The following MDN1 variants were observed in gnomAD, a reference collection of about 807,000 sequenced individuals.
MDN1 encodes midasin AAA ATPase 1, also known as midasin.
Under a neutral mutation model 669.2 loss-of-function variants are expected in MDN1, and 266 were observed. That is an observed-to-expected ratio of 0.40 (90% CI 0.36 to 0.44). The LOEUF is 0.44. Ranked by LOEUF, MDN1 falls within the 20% of genes least tolerant of loss-of-function variation. The pLI is 1.00. For synonymous variants in MDN1, 2,385 were observed against 2,457.1 expected, an observed-to-expected ratio of 0.97 and a Z score of 0.87; for missense variants, 5,940 against 6,754.0, an observed-to-expected ratio of 0.88 and a Z score of 4.22.
At chr6:89,797,044 G>A (rs1819645040) in intron 2 of MDN1, among the ~76,000 whole-genome samples, 1 of 150,742 alleles carries the variant, frequency 6.6e-6, no homozygotes, top group Non-Finnish European at 1.5e-5. Flanking sequence ...CTCCAGCATG[G>A]GCAACAAGAG....
At chr6:89,691,513 A>T (rs1812378905) in intron 63 of MDN1, among the ~76,000 whole-genome samples, 1 of 152,054 alleles carries the variant, frequency 6.6e-6, no homozygotes, top group South Asian at 2.1e-4. Context: ...CTGTGAGACT[A>T]TTTACTGTGG....
At chr6:89,816,192 G>A (rs1768815016) in intron 1 of MDN1, among the ~76,000 whole-genome samples, 2 of 152,148 alleles carry the variant, frequency 1.3e-5, no homozygotes, top group South Asian at 2.1e-4. Flanking sequence ...CTGAGGTCAG[G>A]AGTTCGAGAC....
chr6:89,658,184 C>A (rs775998342), intron 90 of MDN1, 25 bp downstream of exon 90: 1 of 1,612,818 alleles, frequency 6.2e-7, no homozygotes. Context: ...AGGCAGCTGG[C>A]GGCTGCAGTG....
chr6:89,815,138 G>C, intron 1 of MDN1: 1 of 388,742 alleles, frequency 2.6e-6, no homozygotes, highest in South Asian at 2.1e-5. Flanking sequence ...CTCAGCTACA[G>C]ACCCCTGTGC....
rs1808262699 is a variant in MDN1, at chr6:89,642,982, GACATACTGCCT to G, written c.*1012_*1022del. On this transcript the variant is annotated 3_prime_UTR_variant, in exon 102 of 102. Coordinates refer to ENST00000369393, the MANE Select transcript of MDN1 (RefSeq NM_014611.3). ...ACAAGGAGATAGATGATTACATCATGACATACTGCCTACAAAAGAACATTCTGACAGAACAT... is the reference window on the plus strand; with the variant it reads ...ACAAGGAGATAGATGATTACATCATGACAAAAGAACATTCTGACAGAACAT... 6.6e-6 allele frequency: 1 copy of G among 152,230 alleles called. No individual in the cohort carries two copies. The highest frequency in any genetic ancestry group is 1.5e-5 in the Non-Finnish European group (1 of 68,040). The allele number at this position is 152,230 out of a possible 1,614,324, so 9.4% of individuals were successfully genotyped here. A position where few individuals can be genotyped will look rare whatever the true frequency, so the allele number is the denominator to read the frequency against.
chr6:89,675,440 C>G (rs1811114456), intron 78 of MDN1, 24 bp downstream of exon 78: 2 of 1,599,398 alleles, frequency 1.3e-6, no homozygotes, highest in Admixed American at 1.7e-5. Flanking sequence ...ATTCATGCCA[C>G]AAGCCCAACT....
Position 89,690,703 on chromosome 6 carries a change from C to T in MDN1, c.10719G>A (p.Glu3573=), listed in dbSNP as rs565519604. Residue 3573 remains glutamate (E), a synonymous_variant, in exon 64 of 102, where the codon GAG becomes GAA. Coordinates refer to ENST00000369393, the MANE Select transcript of MDN1 (RefSeq NM_014611.3). ...CATGCAGGGGGAACTGTTTTCTGAA[C>T]TCCCGTTCTTCCTCCTCCTCTTCAC... The part of the protein sequence containing the change: ...ALSEEEEEER[E]FRKQFPLHEK... The T allele has an allele frequency of 1.6e-4, 254 of 1,614,172 alleles. 2 individuals are homozygous for T. In the South Asian group the frequency reaches 2.6e-3, roughly 17 times the overall value.
intron 73 of MDN1, among the ~76,000 whole-genome samples, chr6:89,682,629 A>G (rs1299763233): frequency 6.7e-6 from 1 of 148,178 alleles, no homozygotes; most frequent in East Asian, 2.0e-4. Flanking sequence ...AATGGCATGA[A>G]CCCAGGAGGC....
At chr6:89,721,042 G>A (rs984582964) in intron 40 of MDN1, among the ~76,000 whole-genome samples, 1 of 152,232 alleles carries the variant, frequency 6.6e-6, no homozygotes, top group Admixed American at 6.5e-5. Context: ...GTGGGCTGGG[G>A]TGGGAAGATC....
rs569138032 is a variant in MDN1 at position 89,643,031 on chromosome 6, A to C, written c.*974T>G. On this transcript the variant is annotated 3_prime_UTR_variant, in exon 102 of 102. Coordinates refer to ENST00000369393, the MANE Select transcript of MDN1 (RefSeq NM_014611.3). Reference sequence around the variant, plus strand: ...TCTGACAGAACATTAAGTAGAACAGAGCACACAGTTTCAAGTATTCAGCAC... The same window carrying C: ...TCTGACAGAACATTAAGTAGAACAGCGCACACAGTTTCAAGTATTCAGCAC... 6.6e-6 allele frequency: 1 copy of C among 152,344 alleles called. No homozygotes were observed. Among genetic ancestry groups the C allele is most frequent in the Admixed American group, 6.5e-5 (1 of 15,304 alleles). 9.4% of individuals were successfully genotyped at this position (152,344 alleles called of 1,614,324 possible).
At chr6:89,787,732 C>G (rs1819042400) in intron 8 of MDN1, 122 bp downstream of exon 8, 1 of 641,368 alleles carries the variant, frequency 1.6e-6, no homozygotes, top group African/African-American at 1.8e-5. Context: ...GACCTGTTAT[C>G]ACTTCCAACT....
Position 89,674,197 on chromosome 6 carries a change from G to A in MDN1, c.13154C>T (p.Thr4385Met), listed in dbSNP as rs116345024. The A allele has an allele frequency of 2.8e-4, 453 of 1,614,204 alleles. 1 individual carries two copies. The African/African-American group carries it at 5.0e-3, about 18-fold the overall frequency. ...KQDHLWQQST[T>M]RLTEMLKTIK... ...GGTTTTTAGCATCTCTGTTAATCTC[G>A]TAGTTGACTGTTGCCAAAGGTGATC... The change falls in exon 79 of 102, where the codon ACG becomes ATG. Residue 4385 changes from threonine (T) to methionine (M), a missense_variant. Coordinates refer to ENST00000369393, the MANE Select transcript of MDN1 (RefSeq NM_014611.3).
At chr6:89,647,198 A>AT (rs752315063) in intron 99 of MDN1, among the ~76,000 whole-genome samples, 22 of 152,218 alleles carry the variant, frequency 1.4e-4, no homozygotes, top group Non-Finnish European at 1.8e-4. Flanking sequence ...TAAGAAATCA[A>AT]TACTCCCTCA....
At chr6:89,647,135 C>T (rs767049993) in intron 99 of MDN1, among the ~76,000 whole-genome samples, 5 of 152,102 alleles carry the variant, frequency 3.3e-5, no homozygotes, top group Non-Finnish European at 7.3e-5. Flanking sequence ...AACATATAAC[C>T]CACTAGAGTT....
chr6:89,786,028 G>A (rs1376111098), intron 8 of MDN1, among the ~76,000 whole-genome samples: 1 of 151,994 alleles, frequency 6.6e-6, no homozygotes, highest in Non-Finnish European at 1.5e-5. Flanking sequence ...TTGGGAGGCT[G>A]AGGCAGGTGG....
Position 89,695,648 on chromosome 6 carries a change from G to T in MDN1, c.9728C>A (p.Pro3243His). Residue 3243 changes from proline (P) to histidine (H), a missense_variant, in exon 61 of 102, where the codon CCT (proline) becomes CAT (histidine). By Grantham distance (77) the Pro-to-His change is moderately conservative. This residue lies in a region of MDN1 where 2,292 missense variants were observed against 2,638.3 expected (regional missense o/e 0.87). Coordinates refer to ENST00000369393, the MANE Select transcript of MDN1 (RefSeq NM_014611.3). The surrounding 1 kb of genome is among the most constrained non-coding windows in gnomAD (Gnocchi z 4.1). ...QTWLPQARFD[P>H]AVKREYKLNY... ...GAGCTTGTACTCCCTCTTCACCGCA[G>T]GGTCAAAGCGTGCCTGGGGAAGCCA... The T allele has an allele frequency of 6.2e-7, 1 of 1,610,452 alleles. No homozygotes were observed. The highest frequency in any genetic ancestry group is 2.2e-5 in the East Asian group (1 of 44,776).
chr6:89,725,359 T>C lies in MDN1; in HGVS notation c.5510A>G (p.Asn1837Ser), dbSNP rs1260590365. 11 of 1,614,018 alleles carry C rather than the reference T, an allele frequency of 6.8e-6. No homozygotes were observed. Among genetic ancestry groups the C allele is most frequent in the Admixed American group, 1.7e-5 (1 of 60,008 alleles). ...LASQSVLEGL[N>S]ACFDHRGEIY... ...TTCTCCTCGGTGGTCAAAACAAGCA[T>C]TGAGTCCTTCCAATACAGACTGAGA... Residue 1837 changes from asparagine (N) to serine (S), a missense_variant, in exon 38 of 102, where the codon AAT (asparagine) becomes AGT (serine). This residue lies in a region of MDN1 where 2,292 missense variants were observed against 2,638.3 expected (regional missense o/e 0.87). Coordinates refer to ENST00000369393, the MANE Select transcript of MDN1 (RefSeq NM_014611.3).
At position 89,743,495 on chromosome 6, in the gene MDN1, G is replaced by T. The variant is rs1816402542; in HGVS notation, c.4317+81C>A. ...GCACATTTAACCAAACCAGAACCCAGCTCCAGAAACCCCACCACTAACTCA... is the reference window on the plus strand; with the variant it reads ...GCACATTTAACCAAACCAGAACCCATCTCCAGAAACCCCACCACTAACTCA... On this transcript the variant is annotated intron_variant, in intron 30 of 101. Coordinates refer to ENST00000369393, the MANE Select transcript of MDN1 (RefSeq NM_014611.3). 8 of 1,504,712 alleles carry T rather than the reference G, an allele frequency of 5.3e-6. No homozygotes were observed. The East Asian group carries it at 1.8e-4, about 34-fold the overall frequency. 93.2% of individuals were successfully genotyped at this position (1,504,712 alleles called of 1,614,324 possible). A position where few individuals can be genotyped will look rare whatever the true frequency, so the allele number is the denominator to read the frequency against.
At chr6:89,699,944 C>T in intron 57 of MDN1, 119 bp downstream of exon 57, 1 of 1,143,986 alleles carries the variant, frequency 8.7e-7, no homozygotes, top group South Asian at 1.6e-5. Context: ...TGGCAAATCA[C>T]TTCCCTCTGC....
Sources: allele counts gnomAD v4.1 joint callset (sites outside exome capture counted in the v4.1 genomes callset), GRCh38; gene constraint gnomAD v4.1.1; regional missense constraint gnomAD v4.1.1; non-coding constraint Gnocchi (gnomAD v3.1); transcripts MANE v1.5; gene names NCBI Gene and HGNC (gene_info 2026-07-23, HGNC 2026-07-21).